Variants in KIAA0319L observed in about 807,000 individuals in gnomAD.
KIAA0319L encodes KIAA0319 like, also known as dyslexia-associated protein KIAA0319-like protein.
Under a neutral mutation model 120.1 loss-of-function variants are expected in KIAA0319L, and 55 were observed. That is an observed-to-expected ratio of 0.46 (90% CI 0.37 to 0.57). KIAA0319L has a LOEUF of 0.57. Ranked by LOEUF, KIAA0319L falls within the 20% of genes least tolerant of loss-of-function variation. The pLI is 0.00. For synonymous variants in KIAA0319L, 398 were observed against 471.9 expected, an observed-to-expected ratio of 0.84 and a Z score of 2.03; for missense variants, 1,049 against 1,255.3, an observed-to-expected ratio of 0.84 and a Z score of 2.48.
In KIAA0319L at chr1:35,435,078, A is replaced by C. The variant is rs755444281; in HGVS notation, c.2966T>G (p.Ile989Ser). 5.0e-6 allele frequency: 8 copies of C among 1,613,848 alleles called. No homozygotes were observed. In the East Asian group the frequency reaches 1.6e-4, roughly 31 times the overall value. ...LELKPTSRAGIKQKGLLLSSS... is the reference protein window; with the variant it reads ...LELKPTSRAGSKQKGLLLSSS... ...ACTTAGCAAAAGGCCTTTCTGTTTGATGCCTGCAGGGAAAACAAGGAATCC... is the reference window on the plus strand; with the variant it reads ...ACTTAGCAAAAGGCCTTTCTGTTTGCTGCCTGCAGGGAAAACAAGGAATCC... Residue 989 changes from isoleucine to serine, a missense_variant, in exon 21 of 21, where the codon ATC (isoleucine) becomes AGC (serine). Ile to Ser is a moderately radical substitution (Grantham distance 142). Transcript: ENST00000325722.
At chr1:35,449,777 T>C in intron 15 of KIAA0319L, 90 bp downstream of exon 15, 3 of 1,425,686 alleles carry the variant, frequency 2.1e-6, no homozygotes, top group Non-Finnish European at 2.9e-6. Context: ...CATCTGGCTC[T>C]GTCCATGCTC....
At chr1:35,441,205 G>T in intron 19 of KIAA0319L, 67 bp from the exon 20 acceptor site, 2 of 1,409,452 alleles carry the variant, frequency 1.4e-6, no homozygotes, top group Non-Finnish European at 2.0e-6. Context: ...ATGAGAGCCA[G>T]ATGTGCATGC....
rs756913649 is a variant in KIAA0319L, at chr1:35,460,392, A to G, written c.1340T>C (p.Leu447Pro). The change falls in exon 9 of 21, where the codon CTT (leucine) becomes CCT (proline). Residue 447 changes from leucine to proline, a missense_variant. Transcript: ENST00000325722. ...CTTCTCTTCTCTTAGAGGCCCCTTA[A>G]GTTCTTCCCAATGGTACTGAACGAT... ...DKIVQYHWEE[L>P]KGPLREEKIS... 6.2e-7 allele frequency: 1 copy of G among 1,612,740 alleles called. No homozygotes were observed.
At chr1:35,509,542 G>A (rs1645343385) in intron 2 of KIAA0319L, among the ~76,000 whole-genome samples, 1 of 152,222 alleles carries the variant, frequency 6.6e-6, no homozygotes, top group African/African-American at 2.4e-5. Context: ...GGAAAGCCAG[G>A]ATTGACAGCA....
chr1:35,533,232 C>T (rs1436612048), intron 2 of KIAA0319L: 1 of 152,134 alleles, frequency 6.6e-6, no homozygotes, highest in South Asian at 2.1e-4. Context: ...TGGTTAGCAA[C>T]CAAGTAGGGA....
chr1:35,438,731 C>T (rs1216697219), intron 20 of KIAA0319L: 1 of 151,996 alleles, frequency 6.6e-6, no homozygotes, highest in East Asian at 1.9e-4. Context: ...ATGGCTCACA[C>T]CTATAATCCC....
intron 2 of KIAA0319L, among the ~76,000 whole-genome samples, chr1:35,515,928 T>C (rs552180156): frequency 2.0e-5 from 3 of 152,170 alleles, no homozygotes; most frequent in South Asian, 2.1e-4. Flanking sequence ...ATCACCTCTA[T>C]GCATACAAAC....
At chr1:35,478,104 T>C (rs1401598399) in intron 4 of KIAA0319L, among the ~76,000 whole-genome samples, 1 of 152,108 alleles carries the variant, frequency 6.6e-6, no homozygotes, top group Non-Finnish European at 1.5e-5. Flanking sequence ...TCCAACAACA[T>C]GGATGGAACT....
intron 2 of KIAA0319L, among the ~76,000 whole-genome samples, chr1:35,543,903 C>T (rs1015215083): frequency 1.3e-5 from 2 of 152,142 alleles, no homozygotes; most frequent in Admixed American, 1.3e-4. Flanking sequence ...AAAATATTAT[C>T]TTTATAGTAA....
chr1:35,444,953 G>T (rs1202598847), intron 16 of KIAA0319L, among the ~76,000 whole-genome samples: 1 of 152,158 alleles, frequency 6.6e-6, no homozygotes, highest in Non-Finnish European at 1.5e-5. Context: ...CTCACATCTG[G>T]GTAGTACCAA....
At chr1:35,507,166 T>A in intron 2 of KIAA0319L, 31 bp from the exon 3 acceptor site, 1 of 1,512,072 alleles carries the variant, frequency 6.6e-7, no homozygotes, top group Non-Finnish European at 8.8e-7. Flanking sequence ...CATTTTCAGA[T>A]GAAATAAAAA....
chr1:35,497,754 G>A (rs1644864210), intron 3 of KIAA0319L, among the ~76,000 whole-genome samples: 1 of 152,148 alleles, frequency 6.6e-6, no homozygotes. Context: ...TATAACGATT[G>A]CACAATGTCC....
Position 35,506,491 on chromosome 1 carries a change from T to C in KIAA0319L, c.666+121A>G. Reference sequence around the variant, plus strand: ...ACCAAAGAAGCTGACACCAAGCAGCTTTATATATACACTCCTCAGCCTATG... The same window carrying C: ...ACCAAAGAAGCTGACACCAAGCAGCCTTATATATACACTCCTCAGCCTATG... On this transcript the variant is annotated intron_variant, in intron 3 of 20. Coordinates refer to ENST00000325722, the MANE Select transcript of KIAA0319L (RefSeq NM_024874.5). This position sits in a 1 kb window ranked among gnomAD's most constrained non-coding sequence, Gnocchi z 4.0. 1 of 960,930 alleles carries C rather than the reference T, an allele frequency of 1.0e-6. No individual in the cohort carries two copies. Among genetic ancestry groups the C allele is most frequent in the Non-Finnish European group, 1.6e-6 (1 of 640,358 alleles). The allele number at this position is 960,930 out of a possible 1,614,324, so 59.5% of individuals were successfully genotyped here. A position where few individuals can be genotyped will look rare whatever the true frequency, so the allele number is the denominator to read the frequency against.
intron 3 of KIAA0319L, among the ~76,000 whole-genome samples, chr1:35,497,105 C>T (rs1049974166): frequency 1.3e-5 from 2 of 151,540 alleles, no homozygotes; most frequent in African/African-American, 2.4e-5. Flanking sequence ...TTTATAGAGA[C>T]AGCAGATCAA....
At chr1:35,518,180 G>C (rs1169888522) in intron 2 of KIAA0319L, among the ~76,000 whole-genome samples, 1 of 152,082 alleles carries the variant, frequency 6.6e-6, no homozygotes, top group Admixed American at 6.6e-5. Flanking sequence ...AGAGCTAAAA[G>C]CAGAACTACC....
rs1645808602 is a variant in KIAA0319L at position 35,519,155 on chromosome 1, T to C, written c.143-12020A>G. The stretch of plus-strand genomic sequence containing the variant: ...GATTTAACAGATAGAGAGACAGGTA[T>C]AAACCAGGCAAATCTGGTGTCCCTG... On this transcript the variant is annotated intron_variant, in intron 2 of 20. Transcript: ENST00000325722. Among the ~76,000 whole-genome samples the C allele has an allele frequency of 2.0e-5, 3 of 152,154 alleles. No homozygotes were observed. The South Asian group carries it at 6.2e-4, about 32-fold the overall frequency.
chr1:35,531,802 T>G (rs1646380103), intron 2 of KIAA0319L, among the ~76,000 whole-genome samples: 1 of 152,170 alleles, frequency 6.6e-6, no homozygotes, highest in Non-Finnish European at 1.5e-5. Context: ...ATACCTCTAG[T>G]CGGTCATCTT....
At chr1:35,527,781 G>A (rs1014127407) in intron 2 of KIAA0319L, among the ~76,000 whole-genome samples, 8 of 151,528 alleles carry the variant, frequency 5.3e-5, no homozygotes, top group Non-Finnish European at 1.0e-4. Context: ...TTTTTTCTTG[G>A]TTAGTCTAGC....
In KIAA0319L at chr1:35,462,676, T is replaced by C. The variant is rs753232482; in HGVS notation, c.1239A>G (p.Ser413=). ...RKNRPPIAIV[S]PQFQEISLPT... ...GCAAAGAGATCTCCTGGAACTGAGGTGACACAATAGCAATGGGGGGCCGAT... is the reference window on the plus strand; with the variant it reads ...GCAAAGAGATCTCCTGGAACTGAGGCGACACAATAGCAATGGGGGGCCGAT... Residue 413 remains serine, a synonymous_variant, in exon 8 of 21, where the codon TCA becomes TCG. Coordinates refer to ENST00000325722, the MANE Select transcript of KIAA0319L (RefSeq NM_024874.5). 7.1e-5 allele frequency: 114 copies of C among 1,613,924 alleles called. No homozygotes were observed. The highest frequency in any genetic ancestry group is 9.2e-5 in the Non-Finnish European group (109 of 1,179,954).
Sources: allele counts gnomAD v4.1 joint callset (sites outside exome capture counted in the v4.1 genomes callset), GRCh38; gene constraint gnomAD v4.1.1; non-coding constraint Gnocchi (gnomAD v3.1); transcripts MANE v1.5; gene names NCBI Gene and HGNC (gene_info 2026-07-23, HGNC 2026-07-21).